DLG2: variants seen among roughly 807,000 people sequenced by gnomAD.
DLG2 encodes the protein disks large homolog 2.
Under a neutral mutation model 132.5 loss-of-function variants are expected in DLG2, and 45 were observed. That is an observed-to-expected ratio of 0.34 (90% CI 0.27 to 0.44). DLG2 has a LOEUF of 0.44. DLG2 is among the 20% of genes least tolerant of loss of function. The probability of loss-of-function intolerance (pLI) is 1.00; values close to 1 mark genes in which losing one functional copy is unlikely to be tolerated. For missense variants in DLG2, 1,045 were observed against 1,196.9 expected (o/e 0.87, Z 1.87); for synonymous variants, 424 against 419.6 (o/e 1.01, Z -0.13).
At chr11:84,643,239 C>T (rs1162298190) in intron 6 of DLG2, among the ~76,000 whole-genome samples, 1 of 152,204 alleles carries the variant, frequency 6.6e-6, no homozygotes, top group Admixed American at 6.5e-5. Context: ...TCCAGGAAGG[C>T]CTACTCAGGA....
At chr11:84,637,980 T>C (rs2154544715) in intron 6 of DLG2, among the ~76,000 whole-genome samples, 1 of 152,372 alleles carries the variant, frequency 6.6e-6, no homozygotes, top group Admixed American at 6.5e-5. Flanking sequence ...TTCTTAACTA[T>C]GTTACTTTCT....
chr11:83,946,447 G>C (rs990318189), intron 14 of DLG2, among the ~76,000 whole-genome samples: 2 of 152,150 alleles, frequency 1.3e-5, no homozygotes, highest in African/African-American at 4.8e-5. Context: ...TGGTAGATCT[G>C]GCATGGGGCT....
chr11:84,402,320 G>A (rs549362227), intron 7 of DLG2, among the ~76,000 whole-genome samples: 1 of 152,260 alleles, frequency 6.6e-6, no homozygotes, highest in Admixed American at 6.5e-5. Flanking sequence ...GGCAGTTATT[G>A]TTAAAGAACA....
At chr11:83,937,716 C>A (rs1446751027) in intron 14 of DLG2, among the ~76,000 whole-genome samples, 1 of 152,006 alleles carries the variant, frequency 6.6e-6, no homozygotes, top group African/African-American at 2.4e-5. Flanking sequence ...AATACACACA[C>A]ACATATAAAT....
chr11:84,494,248 C>T (rs540382706), intron 7 of DLG2, among the ~76,000 whole-genome samples: 3 of 152,124 alleles, frequency 2.0e-5, no homozygotes, highest in Admixed American at 6.6e-5. Flanking sequence ...AGCTCTTAAT[C>T]GGAAAGAATA....
chr11:83,696,203 T>C (rs1049246694), intron 18 of DLG2, among the ~76,000 whole-genome samples: 11 of 152,076 alleles, frequency 7.2e-5, no homozygotes, highest in Non-Finnish European at 4.4e-5. Context: ...TGATCTTAGA[T>C]GGCAGCAGTG....
intron 19 of DLG2, among the ~76,000 whole-genome samples, chr11:83,586,503 G>T (rs894716088): frequency 6.6e-6 from 1 of 152,112 alleles, no homozygotes; most frequent in African/African-American, 2.4e-5. Flanking sequence ...AAATAACTGT[G>T]TCTATAAAAT....
At chr11:84,017,848 A>G (rs2095260942) in intron 11 of DLG2, among the ~76,000 whole-genome samples, 2 of 152,016 alleles carry the variant, frequency 1.3e-5, no homozygotes, top group South Asian at 2.1e-4. Flanking sequence ...AACTTTCCAT[A>G]TTATCTTTCA....
chr11:84,615,521 T>C (rs1289074023), intron 6 of DLG2, among the ~76,000 whole-genome samples: 2 of 152,028 alleles, frequency 1.3e-5, no homozygotes, highest in Non-Finnish European at 2.9e-5. Context: ...TTAACCAAAT[T>C]TGTCATTCAG....
intron 15 of DLG2, among the ~76,000 whole-genome samples, chr11:83,906,257 TCACACACACACACACACACACACACA>T (rs540642615): frequency 7.4e-5 from 5 of 67,158 alleles, no homozygotes; most frequent in Admixed American, 1.6e-4. Flanking sequence ...TCTCTCTCTC[TCACACACACACACACACACACACACA>T]CACACACACA....
Position 85,561,318 on chromosome 11 carries a change from C to T in DLG2, c.40+37339G>A, listed in dbSNP as rs531361603. Among the ~76,000 whole-genome samples, 28 of 82,002 alleles carry T rather than the reference C, an allele frequency of 3.4e-4. 1 individual carries two copies. Among genetic ancestry groups the T allele is most frequent in the Non-Finnish European group, 5.1e-4 (23 of 45,322 alleles). 53.8% of individuals were successfully genotyped at this position (82,002 alleles called of 152,430 possible). On this transcript the variant is annotated intron_variant, in intron 3 of 27. Coordinates refer to ENST00000376104, the MANE Select transcript of DLG2 (RefSeq NM_001142699.3). The stretch of plus-strand genomic sequence containing the variant: ...ATGTACTCCAGTCTAGGTGACAGAG[C>T]AAGACCCTATCTCAAAAAAAAAAAA...
intron 7 of DLG2, among the ~76,000 whole-genome samples, chr11:84,371,605 T>C (rs950897326): frequency 6.6e-6 from 1 of 152,148 alleles, no homozygotes; most frequent in Non-Finnish European, 1.5e-5. Context: ...AGAATCGACA[T>C]ACTACTAAGA....
chr11:84,257,783 C>T (rs2097498370), intron 7 of DLG2, among the ~76,000 whole-genome samples: 1 of 150,254 alleles, frequency 6.7e-6, no homozygotes, highest in Non-Finnish European at 1.5e-5. Context: ...GCCTCCCAAG[C>T]TCAAGCCATC....
At chr11:85,543,333 T>A (rs770628078) in intron 3 of DLG2, among the ~76,000 whole-genome samples, 2 of 152,388 alleles carry the variant, frequency 1.3e-5, no homozygotes, top group South Asian at 4.1e-4. Flanking sequence ...TTTTTATGGC[T>A]GCTTAGTATT....
intron 6 of DLG2, among the ~76,000 whole-genome samples, chr11:84,726,474 T>C (rs1312082971): frequency 6.6e-6 from 1 of 152,206 alleles, no homozygotes; most frequent in Non-Finnish European, 1.5e-5. Context: ...TAGTATTCCA[T>C]GGTGTATATG....
Position 83,930,395 on chromosome 11 carries a change from T to C in DLG2, c.1429A>G (p.Ser477Gly). 4 of 1,614,060 alleles carry C rather than the reference T, an allele frequency of 2.5e-6. No individual in the cohort carries two copies. Among genetic ancestry groups the C allele is most frequent in the Non-Finnish European group, 3.4e-6 (4 of 1,179,948 alleles). Residue 477 changes from serine to glycine, a missense_variant, in exon 15 of 28, where the codon AGC becomes GGC. Coordinates refer to ENST00000376104, the MANE Select transcript of DLG2 (RefSeq NM_001142699.3). ...RHYSPVECDK[S>G]FLLSAPYSHY... ...GAATAGGGAGCTGAGAGGAGGAAGC[T>C]TTTGTCACACTCAACAGGGGAATAG...
At chr11:84,930,870 A>C (rs1039999250) in intron 6 of DLG2, among the ~76,000 whole-genome samples, 3 of 152,036 alleles carry the variant, frequency 2.0e-5, no homozygotes, top group African/African-American at 7.2e-5. Context: ...ATCCTTCCTC[A>C]TTCCTTGACA....
At chr11:85,404,682 T>A (rs2088544036) in intron 3 of DLG2, among the ~76,000 whole-genome samples, 1 of 151,972 alleles carries the variant, frequency 6.6e-6, no homozygotes, top group Admixed American at 6.6e-5. Context: ...CAAAAAACAG[T>A]ATCAGCACTG....
Position 84,243,015 on chromosome 11 carries a change from C to CTATA in DLG2, c.573+8222_573+8223insTATA, listed in dbSNP as rs1338945171. ...AGGTTCTCTCTCTCTCTCTCTCTCTCTCTATATATATATATATATATATAC... is the reference window on the plus strand; with the variant it reads ...AGGTTCTCTCTCTCTCTCTCTCTCTCTATATCTATATATATATATATATATATAC... On this transcript the variant is annotated intron_variant, in intron 8 of 27. Coordinates refer to ENST00000376104, the MANE Select transcript of DLG2 (RefSeq NM_001142699.3). 2.9e-4 allele frequency among the ~76,000 whole-genome samples: 40 copies of CTATA among 140,246 alleles called. No homozygotes were observed. The East Asian group carries it at 3.1e-3, about 11-fold the overall frequency. 92.0% of individuals were successfully genotyped at this position (140,246 alleles called of 152,430 possible).
Sources: gnomAD v4.1 joint callset for allele counts (sites outside exome capture counted in the v4.1 genomes callset) on GRCh38, gnomAD v4.1.1 for gene constraint, MANE v1.5 for transcripts, NCBI Gene and HGNC (gene_info 2026-07-23, HGNC 2026-07-21) for gene names.